Variants in HGSNAT observed in about 807,000 individuals in gnomAD.
HGSNAT encodes the protein heparan-alpha-glucosaminide N-acetyltransferase, also known as transmembrane protein 76.
Under a neutral mutation model 85.2 loss-of-function variants are expected in HGSNAT, and 59 were observed. That is an observed-to-expected ratio of 0.69 (90% CI 0.56 to 0.86). The LOEUF is 0.86. Among genes scored for constraint, HGSNAT ranks in the 40% least tolerant of loss-of-function variants. The pLI is 0.00. For synonymous variants in HGSNAT, 321 were observed against 304.5 expected (o/e 1.05, Z -0.56); for missense variants, 756 against 777.1 (o/e 0.97, Z 0.32).
rs1435586705 is a variant in HGSNAT at position 43,201,421 on chromosome 8, A to G, written c.*1852A>G. On this transcript the variant is annotated 3_prime_UTR_variant, in exon 18 of 18. Transcript: ENST00000379644. This position sits in a 1 kb window ranked among gnomAD's most constrained non-coding sequence, Gnocchi z 4.4. The stretch of plus-strand genomic sequence containing the variant: ...CTCCCCTCCCCTCTGAATCCAGCCC[A>G]GCGGGGCTTCTCCTGCCTCCATCAC... The G allele has an allele frequency of 6.6e-6, 1 of 151,790 alleles. No individual in the cohort carries two copies. The highest frequency in any genetic ancestry group is 1.9e-4 in the East Asian group (1 of 5,152). 9.4% of individuals were successfully genotyped at this position (151,790 alleles called of 1,614,324 possible).
chr8:43,173,010 A>G (rs1221520494), intron 8 of HGSNAT, among the ~76,000 whole-genome samples: 1 of 152,216 alleles, frequency 6.6e-6, no homozygotes, highest in Non-Finnish European at 1.5e-5. Flanking sequence ...TTAAAGGCAG[A>G]GTCTTGCTTT....
chr8:43,181,732 G>A lies in HGSNAT; in HGVS notation c.1013-413G>A, dbSNP rs189174025. The A allele has an allele frequency of 1.2e-4, 21 of 175,394 alleles. No homozygotes were observed. In the East Asian group the frequency reaches 2.4e-3, roughly 20 times the overall value. 10.9% of individuals were successfully genotyped at this position (175,394 alleles called of 1,614,324 possible). A position where few individuals can be genotyped will look rare whatever the true frequency, so the allele number is the denominator to read the frequency against. ...TTGGGGTGATACAGCTGGGTAGTGG[G>A]TAGGGCAGGGAGAGTGGCTTGTGTT... is the stretch of plus-strand genomic sequence containing the variant. On this transcript the variant is annotated intron_variant, in intron 10 of 17. Transcript: ENST00000379644.
At chr8:43,194,036 A>G in intron 14 of HGSNAT, 193 bp downstream of exon 14, 1 of 1,323,408 alleles carries the variant, frequency 7.6e-7, no homozygotes, top group Non-Finnish European at 9.6e-7. Context: ...GTAATTAGAT[A>G]TAATTCTTAT....
chr8:43,189,012 C>T (rs1462663153), intron 11 of HGSNAT, among the ~76,000 whole-genome samples: 1 of 152,182 alleles, frequency 6.6e-6, no homozygotes, highest in African/African-American at 2.4e-5. Context: ...CTCAGAGGGG[C>T]ACCCAGCTGT....
rs202132885 is a variant in HGSNAT, at chr8:43,150,897, CTA to C, written c.234+3845_234+3846del. On this transcript the variant is annotated intron_variant, in intron 2 of 17. Transcript: ENST00000379644. ...AAAATTGCTTTTGGAAAGAGAAGAG[CTA>C]TATATATATACATTAGTAAATAAAG... Among the ~76,000 whole-genome samples, 946 of 150,456 alleles carry C rather than the reference CTA, an allele frequency of 6.3e-3. 10 individuals carry two copies. The highest frequency in any genetic ancestry group is 0.021 in the African/African-American group (857 of 40,912).
chr8:43,197,776 CTG>C (rs1804774127), intron 16 of HGSNAT, 34 bp downstream of exon 16: 1 of 1,595,796 alleles, frequency 6.3e-7, no homozygotes, highest in Non-Finnish European at 8.6e-7. Flanking sequence ...TTATGGATGA[CTG>C]TTCATGCTGA....
intron 2 of HGSNAT, among the ~76,000 whole-genome samples, chr8:43,149,480 CG>C (rs1802825747): frequency 6.6e-6 from 1 of 152,208 alleles, no homozygotes; most frequent in East Asian, 1.9e-4. Context: ...GGGCGGATCA[CG>C]AAGTCAGGAG....
chr8:43,184,692 T>C (rs971743204), intron 11 of HGSNAT, among the ~76,000 whole-genome samples: 1 of 152,258 alleles, frequency 6.6e-6, no homozygotes, highest in Non-Finnish European at 1.5e-5. Context: ...TTTGGTGTTT[T>C]AGACGTGAAG....
chr8:43,164,035 G>A (rs1267172492), intron 5 of HGSNAT, among the ~76,000 whole-genome samples: 1 of 152,196 alleles, frequency 6.6e-6, no homozygotes, highest in Non-Finnish European at 1.5e-5. Context: ...ACGGTATTAA[G>A]GAATTACTGC....
chr8:43,140,577 C>T lies in HGSNAT; in HGVS notation c.81C>T (p.Gly27=), dbSNP rs1586689671. 1 of 1,230,408 alleles carries T rather than the reference C, an allele frequency of 8.1e-7. No homozygotes were observed. The highest frequency in any genetic ancestry group is 1.0e-6 in the Non-Finnish European group (1 of 979,164). The allele number at this position is 1,230,408 out of a possible 1,614,324, so 76.2% of individuals were successfully genotyped here. Residue 27 remains glycine, a synonymous_variant, in exon 1 of 18, where the codon GGC becomes GGT. Coordinates refer to ENST00000379644, the MANE Select transcript of HGSNAT (RefSeq NM_152419.3). ...VLSAALLAPG[G]SSGRDAQAAP... is the part of the protein sequence containing the mutation. ...GCGCCGCGCTGCTGGCCCCCGGCGG[C>T]TCTTCGGGGCGCGATGCCCAGGCCG... is the stretch of plus-strand genomic sequence containing the variant.
At chr8:43,159,506 T>G (rs1803200928) in intron 4 of HGSNAT, among the ~76,000 whole-genome samples, 1 of 152,100 alleles carries the variant, frequency 6.6e-6, no homozygotes, top group South Asian at 2.1e-4. Flanking sequence ...GAGGATGGCT[T>G]GAACCTGGGA....
intron 5 of HGSNAT, among the ~76,000 whole-genome samples, chr8:43,164,537 T>C (rs1803369544): frequency 1.3e-5 from 2 of 152,104 alleles, no homozygotes; most frequent in Non-Finnish European, 2.9e-5. Context: ...CCCAGCACTT[T>C]GGGGGGCCTA....
intron 2 of HGSNAT, among the ~76,000 whole-genome samples, chr8:43,150,195 C>T (rs941909421): frequency 2.0e-5 from 3 of 152,082 alleles, no homozygotes; most frequent in South Asian, 2.1e-4. Flanking sequence ...CCTTGTGATC[C>T]GCCCGCCTCA....
At chr8:43,163,642 C>T (rs1803340528) in intron 5 of HGSNAT, among the ~76,000 whole-genome samples, 1 of 151,850 alleles carries the variant, frequency 6.6e-6, no homozygotes, top group African/African-American at 2.4e-5. Flanking sequence ...TTCTCTGCCT[C>T]AGCCTCCCAA....
At chr8:43,140,680 G>T in intron 1 of HGSNAT, 66 bp downstream of exon 1, 1 of 802,688 alleles carries the variant, frequency 1.2e-6, no homozygotes, top group Non-Finnish European at 1.6e-6. Flanking sequence ...CCGCGGCGCC[G>T]CCCCTATCTC....
At position 43,169,301 on chromosome 8, in the gene HGSNAT, G is replaced by T. The variant is rs568730607; in HGVS notation, c.633+59G>T. The stretch of plus-strand genomic sequence containing the variant: ...TGGTTTTCTAAACTTGGAATTTATA[G>T]TTTCTTATTTAATCATTATTGTCCA... On this transcript the variant is annotated intron_variant, in intron 6 of 17. Transcript: ENST00000379644. 2.8e-6 allele frequency: 3 copies of T among 1,090,406 alleles called. No individual in the cohort carries two copies. In the South Asian group the frequency reaches 4.8e-5, roughly 17 times the overall value. 67.5% of individuals were successfully genotyped at this position (1,090,406 alleles called of 1,614,324 possible). A position where few individuals can be genotyped will look rare whatever the true frequency, so the allele number is the denominator to read the frequency against.
intron 11 of HGSNAT, among the ~76,000 whole-genome samples, chr8:43,185,692 G>C (rs1292102446): frequency 2.6e-5 from 4 of 152,208 alleles, no homozygotes; most frequent in Non-Finnish European, 5.9e-5. Flanking sequence ...GGAGTGGTGA[G>C]AGAGGGCATC....
intron 11 of HGSNAT, among the ~76,000 whole-genome samples, chr8:43,187,151 A>G (rs1368156170): frequency 1.3e-5 from 2 of 152,202 alleles, no homozygotes. Context: ...GTAGATGTCT[A>G]TCAGGTCTGT....
chr8:43,177,269 G>C (rs985084825), intron 9 of HGSNAT, among the ~76,000 whole-genome samples: 1 of 151,698 alleles, frequency 6.6e-6, no homozygotes, highest in Admixed American at 6.6e-5. Flanking sequence ...GATAATTTAG[G>C]GCCAGGTGTG....
Sources: allele counts gnomAD v4.1 joint callset (sites outside exome capture counted in the v4.1 genomes callset), GRCh38; gene constraint gnomAD v4.1.1; non-coding constraint Gnocchi (gnomAD v3.1); transcripts MANE v1.5; gene names NCBI Gene and HGNC (gene_info 2026-07-23, HGNC 2026-07-21).